AOAH: variants seen among roughly 807,000 people sequenced by gnomAD.
The protein encoded by AOAH is acyloxyacyl hydrolase.
A neutral mutation model predicts 92.2 loss-of-function variants in AOAH; 64 were observed. The observed-to-expected ratio is 0.69, with a 90% CI of 0.57 to 0.86. AOAH has a LOEUF of 0.86. AOAH is among the 40% of genes least tolerant of loss of function. The pLI is 0.00. For missense variants in AOAH, 656 were observed against 694.6 expected, an observed-to-expected ratio of 0.94 and a Z score of 0.62; for synonymous variants, 263 against 254.5, an observed-to-expected ratio of 1.03 and a Z score of -0.32.
At chr7:36,689,573 G>A (rs141339068) in intron 1 of AOAH, among the ~76,000 whole-genome samples, 317 of 152,212 alleles carry the variant, frequency 2.1e-3, no homozygotes, top group African/African-American at 7.3e-3. Flanking sequence ...TTGTTCACAG[G>A]AAGCTCACAA....
At chr7:36,619,292 T>C (rs1032593687) in intron 9 of AOAH, among the ~76,000 whole-genome samples, 1 of 152,166 alleles carries the variant, frequency 6.6e-6, no homozygotes, top group Non-Finnish European at 1.5e-5. Context: ...GTTTCCTCTG[T>C]GGAAGGGGAT....
intron 16 of AOAH, among the ~76,000 whole-genome samples, chr7:36,533,727 G>T (rs1267157400): frequency 6.6e-6 from 1 of 151,646 alleles, no homozygotes; most frequent in Non-Finnish European, 1.5e-5. Flanking sequence ...TTTGTCATTT[G>T]CTCCCTTTCT....
chr7:36,703,719 C>T (rs536749211), intron 1 of AOAH, among the ~76,000 whole-genome samples: 10 of 152,116 alleles, frequency 6.6e-5, no homozygotes, highest in South Asian at 6.2e-4. Context: ...GCAAAGGACA[C>T]GAAGTCATTG....
intron 3 of AOAH, among the ~76,000 whole-genome samples, chr7:36,670,027 T>C (rs772540743): frequency 6.6e-6 from 1 of 152,034 alleles, no homozygotes; most frequent in Non-Finnish European, 1.5e-5. Flanking sequence ...TGACTCAGGT[T>C]CTTAGGGGAA....
rs150760391 is a variant in AOAH at position 36,535,685 on chromosome 7, C to T, written c.1307-3341G>A. On this transcript the variant is annotated intron_variant, in intron 16 of 20. Coordinates refer to ENST00000617537, the MANE Select transcript of AOAH (RefSeq NM_001637.4). ...TGACTTGCCCATCCTCATGGGCACT[C>T]GGCACGTTCGCTGTCAGGGTCCATG... 1.3e-3 allele frequency among the ~76,000 whole-genome samples: 204 copies of T among 152,256 alleles called. 1 individual carries two copies. The highest frequency in any genetic ancestry group is 4.6e-3 in the African/African-American group (191 of 41,554).
At position 36,530,531 on chromosome 7, in the gene AOAH, CAG is replaced by C. The variant is rs777084294; in HGVS notation, c.1426-19_1426-18del. ...CTCTGCTCTCTGAAGAGAGAGGAAA[CAG>C]GGAGAATTTCATGAAATCTAGACTT... On this transcript the variant is annotated intron_variant, in intron 18 of 20. Coordinates refer to ENST00000617537, the MANE Select transcript of AOAH (RefSeq NM_001637.4). The C allele has an allele frequency of 2.9e-5, 45 of 1,554,460 alleles. No individual in the cohort carries two copies. Among genetic ancestry groups the C allele is most frequent in the Non-Finnish European group, 3.9e-5 (44 of 1,127,338 alleles).
chr7:36,633,339 C>T (rs1469038161), intron 5 of AOAH, among the ~76,000 whole-genome samples: 1 of 152,174 alleles, frequency 6.6e-6, no homozygotes, highest in East Asian at 1.9e-4. Context: ...AACCACTGCT[C>T]TAGGTCTGTG....
intron 11 of AOAH, chr7:36,594,732 T>C: frequency 2.6e-6 from 1 of 379,670 alleles, no homozygotes; most frequent in Non-Finnish European, 5.0e-6. Flanking sequence ...ATTCTTACAT[T>C]TTCTGAGATT....
rs138811821 is a variant in AOAH, at chr7:36,513,327, C to A, written c.1653G>T (p.Trp551Cys). 2.9e-5 allele frequency: 47 copies of A among 1,614,194 alleles called. No homozygotes were observed. In the African/African-American group the frequency reaches 5.6e-4, roughly 19 times the overall value. ...GATTCTCCTTTCCCAGGATTTGGGGCCACTGGAGCTGCACCTTTTTCCAGA... is the reference window on the plus strand; with the variant it reads ...GATTCTCCTTTCCCAGGATTTGGGGACACTGGAGCTGCACCTTTTTCCAGA... ...DHFWKKVQLQ[W>C]PQILGKENPF... The change falls in exon 21 of 21, where the codon TGG becomes TGT. Residue 551 changes from tryptophan (W) to cysteine (C), a missense_variant. Coordinates refer to ENST00000617537, the MANE Select transcript of AOAH (RefSeq NM_001637.4).
intron 10 of AOAH, among the ~76,000 whole-genome samples, chr7:36,617,719 G>C (rs1303211488): frequency 6.6e-6 from 1 of 152,232 alleles, no homozygotes; most frequent in African/African-American, 2.4e-5. Context: ...TGTGTGGGGT[G>C]GTGAGGTTTC....
chr7:36,703,784 C>A (rs1305251283), intron 1 of AOAH, among the ~76,000 whole-genome samples: 1 of 152,176 alleles, frequency 6.6e-6, no homozygotes, highest in Non-Finnish European at 1.5e-5. Context: ...GTGCATGTAT[C>A]TTTATAGTAG....
intron 1 of AOAH, chr7:36,690,150 T>C: frequency 2.2e-6 from 1 of 455,276 alleles, no homozygotes; most frequent in South Asian, 1.6e-5. Context: ...CAAGGACTCT[T>C]ATGACAGTTG....
chr7:36,616,601 T>A, intron 10 of AOAH, 127 bp from the exon 11 acceptor site: 2 of 715,438 alleles, frequency 2.8e-6, no homozygotes, highest in Non-Finnish European at 4.9e-6. Context: ...AGTAATGCAT[T>A]ACCACTTTTC....
At chr7:36,555,402 G>T (rs1178789752) in intron 13 of AOAH, among the ~76,000 whole-genome samples, 3 of 152,094 alleles carry the variant, frequency 2.0e-5, no homozygotes, top group Non-Finnish European at 4.4e-5. Context: ...TTTTATTGAG[G>T]ATTTTTGCAT....
chr7:36,540,486 C>G lies in AOAH; in HGVS notation c.1139G>C (p.Ser380Thr). 2 of 1,605,664 alleles carry G rather than the reference C, an allele frequency of 1.2e-6. No individual in the cohort carries two copies. The highest frequency in any genetic ancestry group is 1.7e-6 in the Non-Finnish European group (2 of 1,176,172). Reference protein sequence around the residue: ...MIGNDVCSGKSDPVPAMTTPE... With the variant: ...MIGNDVCSGKTDPVPAMTTPE... ...AGTGGTCATGGCTGGGACTGGGTCA[C>G]TCTTCCTGTTGGTGGAATAAACAGA... Residue 380 changes from serine (S) to threonine (T), a missense_variant, in exon 16 of 21, where the codon AGT (serine) becomes ACT (threonine). Physicochemically the swap from Ser to Thr is moderately conservative, Grantham distance 58. Transcript: ENST00000617537.
intron 1 of AOAH, among the ~76,000 whole-genome samples, chr7:36,713,762 T>A (rs2116987594): frequency 6.6e-6 from 1 of 152,324 alleles, no homozygotes; most frequent in East Asian, 1.9e-4. Context: ...GAAATAAAGA[T>A]GTTCTTTGAA....
intron 13 of AOAH, among the ~76,000 whole-genome samples, chr7:36,569,567 A>ATATCTATCTAGC (rs1787970600): frequency 7.0e-6 from 1 of 143,286 alleles, no homozygotes; most frequent in Non-Finnish European, 1.5e-5. Flanking sequence ...CCAGATTTAC[A>ATATCTATCTAGC]TATCTATCTA....
intron 13 of AOAH, among the ~76,000 whole-genome samples, chr7:36,569,224 G>T (rs1467793748): frequency 6.6e-6 from 1 of 152,112 alleles, no homozygotes; most frequent in East Asian, 1.9e-4. Context: ...TGTATATAAA[G>T]GTTTTGCTAA....
intron 4 of AOAH, among the ~76,000 whole-genome samples, chr7:36,644,497 C>T (rs1794107480): frequency 6.6e-6 from 1 of 152,148 alleles, no homozygotes; most frequent in Admixed American, 6.5e-5. Flanking sequence ...AGCCTAAGTC[C>T]ATTCAGCTAT....
Sources: allele counts gnomAD v4.1 joint callset (sites outside exome capture counted in the v4.1 genomes callset), GRCh38; gene constraint gnomAD v4.1.1; transcripts MANE v1.5; gene names NCBI Gene and HGNC (gene_info 2026-07-23, HGNC 2026-07-21).